Variants in TSPAN9 observed in about 807,000 individuals in gnomAD.
TSPAN9 encodes the protein tetraspanin 9, also known as tetraspanin-9.
A neutral mutation model predicts 31.0 loss-of-function variants in TSPAN9; 16 were observed. That is an observed-to-expected ratio of 0.52 (90% confidence interval 0.35 to 0.78). TSPAN9 has a LOEUF of 0.78. Ranked by LOEUF, TSPAN9 falls within the 30% of genes least tolerant of loss-of-function variation. The pLI, the probability that TSPAN9 is intolerant of heterozygous loss-of-function variation, is 0.01. For synonymous variants in TSPAN9, 145 were observed against 121.6 expected (o/e 1.19, Z -1.27); for missense variants, 272 against 312.5 (o/e 0.87, Z 0.98).
intron 2 of TSPAN9, among the ~76,000 whole-genome samples, chr12:3,193,381 C>T (rs1482061794): frequency 2.0e-5 from 3 of 152,226 alleles, no homozygotes; most frequent in East Asian, 3.8e-4. Flanking sequence ...ATTTTCAGTA[C>T]TCCTGGCTGG....
intron 2 of TSPAN9, among the ~76,000 whole-genome samples, chr12:3,150,063 C>T (rs1293770077): frequency 1.3e-5 from 2 of 152,208 alleles, no homozygotes; most frequent in East Asian, 1.9e-4. Flanking sequence ...GAGTGTTCTT[C>T]CCTCAGGGAG....
chr12:3,245,281 G>A (rs941130611), intron 3 of TSPAN9, among the ~76,000 whole-genome samples: 3 of 152,238 alleles, frequency 2.0e-5, no homozygotes, highest in African/African-American at 7.2e-5. Context: ...GCCCATTTCT[G>A]GCTCTCGGGC....
chr12:3,252,935 G>A (rs1214868615), intron 3 of TSPAN9, among the ~76,000 whole-genome samples: 2 of 152,146 alleles, frequency 1.3e-5, no homozygotes, highest in East Asian at 1.9e-4. Context: ...AGGTTTTCAC[G>A]ATTGCACAGC....
rs180685232 is a variant in TSPAN9 at position 3,085,259 on chromosome 12, C to A, written c.-18+1540C>A. 7.9e-5 allele frequency among the ~76,000 whole-genome samples: 12 copies of A among 151,842 alleles called. No individual in the cohort carries two copies. In the East Asian group the frequency reaches 1.7e-3, roughly 22 times the overall value. On this transcript the variant is annotated intron_variant, in intron 2 of 8. Transcript: ENST00000011898. ...AAGGACTTAAGGACAAGGGAATGAC[C>A]GTCCTGCTGTGCGGCATGTCCCCCA...
chr12:3,226,785 TATATATATA>T (rs1219117254), intron 3 of TSPAN9, among the ~76,000 whole-genome samples: 3 of 22,274 alleles, frequency 1.3e-4, no homozygotes, highest in Non-Finnish European at 2.3e-4. Context: ...TATATATATA[TATATATATA>T]TTTTTTTTTT....
Position 3,283,227 on chromosome 12 carries a change from C to A in TSPAN9, c.*111C>A, listed in dbSNP as rs972804062. 3.5e-6 allele frequency: 4 copies of A among 1,137,682 alleles called. No individual in the cohort carries two copies. Among genetic ancestry groups the A allele is most frequent in the Non-Finnish European group, 5.0e-6 (4 of 803,888 alleles). The allele number at this position is 1,137,682 out of a possible 1,614,324, so 70.5% of individuals were successfully genotyped here. ...AGATATGACCCCTGCACCCACCCCC[C>A]ACAGCCTGCCCTACCCCACCTACCC... On this transcript the variant is annotated 3_prime_UTR_variant, in exon 9 of 9. Transcript: ENST00000011898.
At chr12:3,207,689 G>T (rs556413974) in intron 3 of TSPAN9, among the ~76,000 whole-genome samples, 70 of 152,252 alleles carry the variant, frequency 4.6e-4, no homozygotes, top group Non-Finnish European at 8.4e-4. Flanking sequence ...AAGCCCTTGG[G>T]CAGGGGAGGC....
chr12:3,127,337 G>A (rs750918593), intron 2 of TSPAN9, among the ~76,000 whole-genome samples: 2 of 151,808 alleles, frequency 1.3e-5, no homozygotes, highest in Admixed American at 6.6e-5. Context: ...GCTTGAGGCC[G>A]TTTTACTTAA....
At chr12:3,104,985 G>T (rs2098313562) in intron 2 of TSPAN9, among the ~76,000 whole-genome samples, 1 of 152,226 alleles carries the variant, frequency 6.6e-6, no homozygotes, top group Non-Finnish European at 1.5e-5. Context: ...CAGGCGTTCA[G>T]CTGGTCACCC....
chr12:3,178,416 G>A (rs2002649), intron 2 of TSPAN9, among the ~76,000 whole-genome samples: 24,950 of 151,536 alleles, frequency 0.16, 2,133 homozygotes, highest in Non-Finnish European at 0.2. Flanking sequence ...TTAGCCTCCC[G>A]AGTAGCTGGA....
At chr12:3,149,098 G>C (rs1316198427) in intron 2 of TSPAN9, among the ~76,000 whole-genome samples, 1 of 152,186 alleles carries the variant, frequency 6.6e-6, no homozygotes, top group Admixed American at 6.5e-5. Flanking sequence ...GAATAGAAAT[G>C]GTCGAATTCT....
chr12:3,106,989 G>C (rs1345504899), intron 2 of TSPAN9, among the ~76,000 whole-genome samples: 2 of 152,120 alleles, frequency 1.3e-5, no homozygotes, highest in African/African-American at 4.8e-5. Flanking sequence ...GACCATTTTG[G>C]GAAGGAAAGG....
chr12:3,078,021 A>T (rs769478321), intron 1 of TSPAN9, among the ~76,000 whole-genome samples: 28 of 152,186 alleles, frequency 1.8e-4, no homozygotes, highest in Non-Finnish European at 2.6e-4. Flanking sequence ...TGTGGTTTTT[A>T]AAAAAAGATC....
intron 2 of TSPAN9, among the ~76,000 whole-genome samples, chr12:3,121,335 A>C (rs2098324953): frequency 2.6e-5 from 2 of 77,906 alleles, no homozygotes; most frequent in African/African-American, 5.0e-5. Context: ...GAGATTTTTC[A>C]AAACAGGGGA....
intron 2 of TSPAN9, among the ~76,000 whole-genome samples, chr12:3,108,627 T>C (rs7488689): frequency 1 from 151,938 of 152,302 alleles, 75,789 homozygotes; most frequent in Middle Eastern, 1. Context: ...GTTACTTCAC[T>C]GATGGTCTCC....
intron 3 of TSPAN9, chr12:3,211,577 A>C (rs2098378726): frequency 1.8e-6 from 2 of 1,107,454 alleles, no homozygotes; most frequent in Non-Finnish European, 2.6e-6. Flanking sequence ...TCATCATCTT[A>C]GGGAAAATTG....
chr12:3,157,320 C>A (rs1417436125), intron 2 of TSPAN9, among the ~76,000 whole-genome samples: 1 of 152,032 alleles, frequency 6.6e-6, no homozygotes, highest in Admixed American at 6.5e-5. Context: ...CCAGGGTGGT[C>A]TCAATCTCCT....
At chr12:3,242,169 A>G (rs1218274847) in intron 3 of TSPAN9, among the ~76,000 whole-genome samples, 8 of 152,192 alleles carry the variant, frequency 5.3e-5, no homozygotes, top group Admixed American at 4.6e-4. Context: ...CCCAGCAGGG[A>G]GAAGCCTGTG....
At chr12:3,281,380 C>G in intron 7 of TSPAN9, 51 bp downstream of exon 7, 1 of 1,517,100 alleles carries the variant, frequency 6.6e-7, no homozygotes, top group Non-Finnish European at 8.8e-7. Context: ...TGTGGATGCC[C>G]CGGCACGGGG....
Sources: gnomAD v4.1 joint callset for allele counts (sites outside exome capture counted in the v4.1 genomes callset) on GRCh38, gnomAD v4.1.1 for gene constraint, MANE v1.5 for transcripts, NCBI Gene and HGNC (gene_info 2026-07-23, HGNC 2026-07-21) for gene names.